The following ADGRA3 variants were observed in gnomAD, a reference collection of about 807,000 sequenced individuals.
ADGRA3 encodes G-protein coupled receptor 125.
Under a neutral mutation model 119.8 loss-of-function variants are expected in ADGRA3, and 56 were observed. That is an observed-to-expected ratio of 0.47 (90% CI 0.38 to 0.58). The LOEUF (loss-of-function observed/expected upper bound fraction) is 0.58. Among genes scored for constraint, ADGRA3 ranks in the 20% least tolerant of loss-of-function variants. ADGRA3 has a pLI of 0.00. For synonymous variants in ADGRA3, 607 were observed against 623.8 expected (o/e 0.97, Z 0.40); for missense variants, 1,516 against 1,649.0 (o/e 0.92, Z 1.40).
intron 1 of ADGRA3, among the ~76,000 whole-genome samples, chr4:22,487,915 G>C (rs1462988): frequency 6.6e-6 from 1 of 151,928 alleles, no homozygotes; most frequent in African/African-American, 2.4e-5. Flanking sequence ...CGCCTGGGAA[G>C]CAAAAGGCAA....
At chr4:22,507,452 G>GT (rs1560352534) in intron 1 of ADGRA3, among the ~76,000 whole-genome samples, 1 of 152,078 alleles carries the variant, frequency 6.6e-6, no homozygotes, top group Non-Finnish European at 1.5e-5. Flanking sequence ...ACTACATCCC[G>GT]TGTCATTTTC....
rs750505698 is a variant in ADGRA3 at position 22,413,699 on chromosome 4, C to T, written c.1925G>A (p.Arg642His). 1.1e-5 allele frequency: 18 copies of T among 1,613,608 alleles called. 1 individual carries two copies. Among genetic ancestry groups the T allele is most frequent in the South Asian group, 5.5e-5 (5 of 91,082 alleles). ...SLYKLQLIAF[R>H]NGKLFPATGN... is the part of the protein sequence containing the mutation. Reference sequence around the variant, plus strand: ...AGTGGCTGGAAAAAGCTTTCCATTGCGGAATGCAATGAGTTGAAGCTTGTA... The same window carrying T: ...AGTGGCTGGAAAAAGCTTTCCATTGTGGAATGCAATGAGTTGAAGCTTGTA... The change falls in exon 13 of 19, where the codon CGC becomes CAC. Residue 642 changes from arginine (R) to histidine (H), a missense_variant. This residue lies in a region of ADGRA3 where 1,088 missense variants were observed against 1,107.1 expected (regional missense o/e 0.98). Coordinates refer to ENST00000334304, the MANE Select transcript of ADGRA3 (RefSeq NM_145290.4).
chr4:22,405,165 T>C (rs997321771), intron 14 of ADGRA3, among the ~76,000 whole-genome samples: 2 of 152,168 alleles, frequency 1.3e-5, no homozygotes, highest in African/African-American at 4.8e-5. Context: ...GGGAGCTGGA[T>C]ACCATCGAAT....
chr4:22,446,345 G>A (rs1211319512), intron 5 of ADGRA3, among the ~76,000 whole-genome samples: 4 of 152,072 alleles, frequency 2.6e-5, no homozygotes, highest in South Asian at 2.1e-4. Flanking sequence ...TACTTCCCAC[G>A]TTCCTGCTAC....
rs529571504 is a variant in ADGRA3, at chr4:22,463,899, C to A, written c.330-2091G>T. ...GCTGTTTAACACCTGGTGATAGAGACTGGACTAGAAATTCTCAAGAACGTT... is the reference window on the plus strand; with the variant it reads ...GCTGTTTAACACCTGGTGATAGAGAATGGACTAGAAATTCTCAAGAACGTT... On this transcript the variant is annotated intron_variant, in intron 2 of 18. Transcript: ENST00000334304. 2.6e-5 allele frequency among the ~76,000 whole-genome samples: 4 copies of A among 152,298 alleles called. No homozygotes were observed. In the South Asian group the frequency reaches 8.3e-4, roughly 32 times the overall value.
chr4:22,421,400 C>T (rs1461737141), intron 11 of ADGRA3, among the ~76,000 whole-genome samples: 1 of 151,980 alleles, frequency 6.6e-6, no homozygotes, highest in African/African-American at 2.4e-5. Context: ...AAGGAAACAA[C>T]AAGCTAAAAA....
chr4:22,499,927 G>A (rs1197480623), intron 1 of ADGRA3, among the ~76,000 whole-genome samples: 1 of 152,110 alleles, frequency 6.6e-6, no homozygotes, highest in East Asian at 1.9e-4. Flanking sequence ...AAGTGTTTCT[G>A]ATTTCGCCTT....
At chr4:22,476,624 T>C (rs1271897883) in intron 1 of ADGRA3, among the ~76,000 whole-genome samples, 4 of 151,816 alleles carry the variant, frequency 2.6e-5, no homozygotes, top group Non-Finnish European at 5.9e-5. Flanking sequence ...GCTATTTTAG[T>C]GATGAGGTTT....
At chr4:22,475,210 A>C (rs1266296623) in intron 1 of ADGRA3, among the ~76,000 whole-genome samples, 1 of 152,154 alleles carries the variant, frequency 6.6e-6, no homozygotes, top group East Asian at 1.9e-4. Context: ...CATTATTGAT[A>C]AAATGGGAAG....
chr4:22,448,291 T>C (rs912234547), intron 4 of ADGRA3, among the ~76,000 whole-genome samples: 4 of 152,178 alleles, frequency 2.6e-5, no homozygotes, highest in African/African-American at 9.7e-5. Flanking sequence ...TGGTGCTCAA[T>C]AATTGCCCAT....
At chr4:22,473,170 G>T (rs1717915124) in intron 2 of ADGRA3, 1 of 152,068 alleles carries the variant, frequency 6.6e-6, no homozygotes. Context: ...CACCATGATT[G>T]TAAGCTTCCT....
chr4:22,387,861 A>T lies in ADGRA3; in HGVS notation c.3810T>A (p.Ala1270=), dbSNP rs114232288. ...TTTGCTGATTTTCAAGTTCAACCAC[A>T]GCTGGCTTCCTTAACGCATCTTTTT... The part of the protein sequence containing the change: ...TSKKDALRKP[A]VVELENQQKS... The change falls in exon 19 of 19, where the codon GCT becomes GCA. Residue 1270 remains alanine (A), a synonymous_variant. Transcript: ENST00000334304. 309 of 1,614,136 alleles carry T rather than the reference A, an allele frequency of 1.9e-4. 1 individual carries two copies. The African/African-American group carries it at 4.0e-3, about 21-fold the overall frequency.
intron 1 of ADGRA3, among the ~76,000 whole-genome samples, chr4:22,485,683 A>ATTTTTT (rs1217361000): frequency 1.3e-5 from 2 of 152,192 alleles, no homozygotes; most frequent in Non-Finnish European, 2.9e-5. Context: ...ATGGGTAATG[A>ATTTTTT]ACTGCCTTTA....
intron 1 of ADGRA3, among the ~76,000 whole-genome samples, chr4:22,500,655 G>GT (rs549840581): frequency 1.9e-3 from 291 of 152,188 alleles, no homozygotes; most frequent in African/African-American, 6.2e-3. Context: ...ACAACAACAG[G>GT]TTTTTTTACT....
chr4:22,466,732 C>T (rs140329303), intron 2 of ADGRA3, among the ~76,000 whole-genome samples: 11 of 151,930 alleles, frequency 7.2e-5, no homozygotes, highest in African/African-American at 2.7e-4. Context: ...AACTTGTGAA[C>T]AACAGCACTC....
chr4:22,403,301 A>G (rs182386225), intron 14 of ADGRA3, among the ~76,000 whole-genome samples: 2 of 152,142 alleles, frequency 1.3e-5, no homozygotes, highest in Non-Finnish European at 2.9e-5. Context: ...CATTGGAGAC[A>G]TAACGGTAAG....
chr4:22,483,902 A>G (rs1178920720), intron 1 of ADGRA3, among the ~76,000 whole-genome samples: 1 of 152,190 alleles, frequency 6.6e-6, no homozygotes, highest in African/African-American at 2.4e-5. Context: ...GTCATAGAGA[A>G]CTATCATTCA....
chr4:22,472,727 G>C (rs1404549210), intron 2 of ADGRA3, among the ~76,000 whole-genome samples: 7 of 152,122 alleles, frequency 4.6e-5, no homozygotes, highest in Non-Finnish European at 1.0e-4. Context: ...AAGCCTCTAA[G>C]GTGAAAGAGT....
intron 2 of ADGRA3, among the ~76,000 whole-genome samples, 170 bp from the exon 3 acceptor site, chr4:22,461,978 A>T (rs1249692072): frequency 6.6e-6 from 1 of 152,194 alleles, no homozygotes; most frequent in Admixed American, 6.5e-5. Context: ...GAGAGTCAGA[A>T]TGCAAATTTG....
Sources: gnomAD v4.1 joint callset for allele counts (sites outside exome capture counted in the v4.1 genomes callset) on GRCh38, gnomAD v4.1.1 for gene constraint, gnomAD v4.1.1 regional missense constraint, MANE v1.5 for transcripts, NCBI Gene and HGNC (gene_info 2026-07-23, HGNC 2026-07-21) for gene names.